PAX5: variants seen among roughly 807,000 people sequenced by gnomAD.
PAX5 encodes the protein paired box 5.
A neutral mutation model predicts 43.7 loss-of-function variants in PAX5; 9 were observed. The observed-to-expected ratio is 0.21, with a 90% CI of 0.12 to 0.36. The LOEUF is 0.36. Among genes scored for constraint, PAX5 ranks in the 10% least tolerant of loss-of-function variants. The pLI, the probability that PAX5 is intolerant of heterozygous loss-of-function variation, is 1.00. For synonymous variants in PAX5, 228 were observed against 214.3 expected (o/e 1.06, Z -0.56); for missense variants, 383 against 532.7 (o/e 0.72, Z 2.77).
intron 6 of PAX5, among the ~76,000 whole-genome samples, chr9:36,964,217 C>T (rs961998496): frequency 1.3e-5 from 2 of 148,982 alleles, no homozygotes; most frequent in East Asian, 4.0e-4. Flanking sequence ...GGAGGTGGAG[C>T]TTGCAGTGAG....
intron 8 of PAX5, among the ~76,000 whole-genome samples, chr9:36,875,719 G>T (rs1587839719): frequency 6.6e-6 from 1 of 152,186 alleles, no homozygotes; most frequent in East Asian, 1.9e-4. Context: ...AAGTGAATGG[G>T]GGAGGAAGGA....
intron 3 of PAX5, among the ~76,000 whole-genome samples, chr9:37,011,504 A>C (rs565426966): frequency 6.6e-6 from 1 of 152,242 alleles, no homozygotes; most frequent in African/African-American, 2.4e-5. Context: ...GGAAGACCCC[A>C]TTCAACCCAC....
At chr9:36,981,226 C>T (rs1405872655) in intron 5 of PAX5, among the ~76,000 whole-genome samples, 3 of 145,970 alleles carry the variant, frequency 2.1e-5, no homozygotes, top group African/African-American at 5.0e-5. Context: ...TGTCTCCTCA[C>T]CTAGCTTTGT....
chr9:36,923,537 C>A, intron 6 of PAX5, 53 bp from the exon 7 acceptor site: 4 of 1,561,292 alleles, frequency 2.6e-6, no homozygotes, highest in South Asian at 2.3e-5. Flanking sequence ...GTACCTTAGT[C>A]AAATGCCAAC....
chr9:37,000,619 TA>T (rs1294750905), intron 5 of PAX5, among the ~76,000 whole-genome samples: 1 of 152,114 alleles, frequency 6.6e-6, no homozygotes, highest in Non-Finnish European at 1.5e-5. Flanking sequence ...AATTAAAAAG[TA>T]AAAAAGATCA....
At chr9:36,920,015 G>A (rs962086819) in intron 7 of PAX5, among the ~76,000 whole-genome samples, 6 of 152,042 alleles carry the variant, frequency 3.9e-5, no homozygotes, top group Non-Finnish European at 7.4e-5. Context: ...TGGAAATAGC[G>A]AGAGAACAAG....
intron 5 of PAX5, among the ~76,000 whole-genome samples, chr9:36,969,783 TGGGCAGAGCCTGCCTCTCC>T (rs1250578697): frequency 6.6e-6 from 1 of 152,160 alleles, no homozygotes; most frequent in Non-Finnish European, 1.5e-5. Flanking sequence ...GGCTGCGAGC[TGGGCAGAGCCTGCCTCTCC>T]GGGCATTCAC....
At chr9:36,975,323 T>C (rs1236846901) in intron 5 of PAX5, among the ~76,000 whole-genome samples, 1 of 151,884 alleles carries the variant, frequency 6.6e-6, no homozygotes, top group Admixed American at 6.6e-5. Context: ...TCTGAACTCA[T>C]GGGGGCCCGG....
chr9:36,986,742 C>A (rs1836460912), intron 5 of PAX5, among the ~76,000 whole-genome samples: 1 of 152,158 alleles, frequency 6.6e-6, no homozygotes, highest in Non-Finnish European at 1.5e-5. Flanking sequence ...CCGGCCTCCC[C>A]GCAGGGACCT....
intron 5 of PAX5, among the ~76,000 whole-genome samples, chr9:36,980,847 G>A (rs545521987): frequency 5.8e-4 from 88 of 152,208 alleles, no homozygotes; most frequent in Admixed American, 2.2e-3. Context: ...CCCTGTTGGA[G>A]GTTCTAGGCT....
intron 5 of PAX5, among the ~76,000 whole-genome samples, chr9:36,994,756 G>T (rs892337268): frequency 6.6e-6 from 1 of 152,254 alleles, no homozygotes. Flanking sequence ...GCTGCCCCAG[G>T]GTTGCCAGAT....
In PAX5 at chr9:37,033,971, G is replaced by T. The variant is rs1387555581; in HGVS notation, c.46+15C>A. 3.1e-6 allele frequency: 5 copies of T among 1,610,742 alleles called. No individual in the cohort carries two copies. The highest frequency in any genetic ancestry group is 4.2e-6 in the Non-Finnish European group (5 of 1,178,854). ...CCCGGAGTTTGCACATCTGGAGCCC[G>T]TATCGCGGTCCTACCTGTCCTGCTG... On this transcript the variant is annotated intron_variant, in intron 1 of 9. Transcript: ENST00000358127.
intron 6 of PAX5, among the ~76,000 whole-genome samples, chr9:36,942,464 A>G (rs1319836297): frequency 6.6e-6 from 1 of 152,126 alleles, no homozygotes; most frequent in African/African-American, 2.4e-5. Flanking sequence ...ACAAGGCCAC[A>G]GATGTGAAAG....
chr9:36,877,226 T>A (rs1302010558), intron 8 of PAX5, among the ~76,000 whole-genome samples: 1 of 152,092 alleles, frequency 6.6e-6, no homozygotes, highest in Non-Finnish European at 1.5e-5. Flanking sequence ...TCCCAGCTAC[T>A]CGGGAGGCTG....
chr9:36,934,180 T>A (rs964811343), intron 6 of PAX5, among the ~76,000 whole-genome samples: 1 of 152,302 alleles, frequency 6.6e-6, no homozygotes, highest in African/African-American at 2.4e-5. Flanking sequence ...TGTGTGAAAC[T>A]AGGCCAGGCA....
chr9:36,947,535 G>A (rs1355219196), intron 6 of PAX5, among the ~76,000 whole-genome samples: 2 of 152,022 alleles, frequency 1.3e-5, no homozygotes, highest in African/African-American at 4.8e-5. Context: ...TAGCTATCAC[G>A]CTTGGCTAAC....
intron 8 of PAX5, among the ~76,000 whole-genome samples, chr9:36,875,561 T>C (rs1825841234): frequency 6.6e-6 from 1 of 152,014 alleles, no homozygotes; most frequent in East Asian, 1.9e-4. Flanking sequence ...CCCAAAAATG[T>C]CCATATCATA....
chr9:36,869,408 T>C (rs959088258), intron 8 of PAX5, among the ~76,000 whole-genome samples: 1 of 152,252 alleles, frequency 6.6e-6, no homozygotes, highest in Non-Finnish European at 1.5e-5. Flanking sequence ...AAATTGTCTC[T>C]TCCTAGATTC....
intron 7 of PAX5, among the ~76,000 whole-genome samples, chr9:36,889,943 G>GT (rs202186581): frequency 5.2e-5 from 4 of 76,562 alleles, no homozygotes; most frequent in African/African-American, 2.7e-4. Flanking sequence ...TACACTAACG[G>GT]GGGGGGGGGG....
Sources: gnomAD v4.1 joint callset for allele counts (sites outside exome capture counted in the v4.1 genomes callset) on GRCh38, gnomAD v4.1.1 for gene constraint, MANE v1.5 for transcripts, NCBI Gene and HGNC (gene_info 2026-07-23, HGNC 2026-07-21) for gene names.